The following ARHGAP39 variants were observed in gnomAD, a reference collection of about 807,000 sequenced individuals.
The protein encoded by ARHGAP39 is Rho GTPase activating protein 39.
ARHGAP39 carries 44 observed loss-of-function variants against 106.9 expected under a neutral mutation model. The ratio of observed to expected loss-of-function variants is 0.41; its 90% CI spans 0.32 to 0.53. ARHGAP39 has a LOEUF of 0.53. ARHGAP39 is among the 20% of genes least tolerant of loss of function. ARHGAP39 has a pLI of 0.21. For synonymous variants in ARHGAP39, 768 were observed against 693.2 expected (o/e 1.11, Z -1.69); for missense variants, 1,496 against 1,577.3 (o/e 0.95, Z 0.87).
At position 144,597,748 on chromosome 8, in the gene ARHGAP39, T is replaced by G. The variant is rs561736091; in HGVS notation, c.80+7787A>C. Among the ~76,000 whole-genome samples, 11 of 152,272 alleles carry G rather than the reference T, an allele frequency of 7.2e-5. No individual in the cohort carries two copies. In the South Asian group the frequency reaches 2.3e-3, roughly 32 times the overall value. ...GGAGCTCAGTTAGGAAAGGGCTTCC[T>G]GAGTAAGACAGGAAGAGAAAAGGCA... On this transcript the variant is annotated intron_variant, in intron 2 of 11. Coordinates refer to ENST00000377307, the MANE Select transcript of ARHGAP39 (RefSeq NM_025251.3).
chr8:144,619,583 A>G (rs757119943), intron 1 of ARHGAP39, among the ~76,000 whole-genome samples: 2 of 134,056 alleles, frequency 1.5e-5, no homozygotes, highest in African/African-American at 2.9e-5. Flanking sequence ...TGTGTGTGAG[A>G]CTGTGTGTCC....
intron 1 of ARHGAP39, among the ~76,000 whole-genome samples, chr8:144,637,819 C>G (rs1419368810): frequency 1.3e-5 from 2 of 151,586 alleles, no homozygotes; most frequent in Admixed American, 1.3e-4. Context: ...TCCTGAGTAG[C>G]TGGGACCATA....
intron 1 of ARHGAP39, among the ~76,000 whole-genome samples, chr8:144,648,320 G>A (rs1166869203): frequency 6.6e-6 from 1 of 152,220 alleles, no homozygotes; most frequent in Non-Finnish European, 1.5e-5. Flanking sequence ...ACAGAAACCA[G>A]GAGAGAGGAT....
intron 2 of ARHGAP39, among the ~76,000 whole-genome samples, chr8:144,589,280 CTATAAATTA>C (rs1819301513): frequency 6.6e-6 from 1 of 152,200 alleles, no homozygotes; most frequent in Admixed American, 6.5e-5. Flanking sequence ...ATTTTATACT[CTATAAATTA>C]TATAAGTAGC....
Position 144,602,811 on chromosome 8 carries a change from CGT to C in ARHGAP39, c.80+2722_80+2723del, listed in dbSNP as rs529912998. On this transcript the variant is annotated intron_variant, in intron 2 of 11. Coordinates refer to ENST00000377307, the MANE Select transcript of ARHGAP39 (RefSeq NM_025251.3). ...GCGTGTGTGTGCATGTGCATGGAGG[CGT>C]GTGTGCTCGTGTACCTGTGTGCATG... Among the ~76,000 whole-genome samples the C allele has an allele frequency of 2.0e-3, 166 of 81,946 alleles. 1 individual carries two copies. The highest frequency in any genetic ancestry group is 8.1e-3 in the African/African-American group (160 of 19,842). 53.8% of individuals were successfully genotyped at this position (81,946 alleles called of 152,430 possible).
intron 1 of ARHGAP39, among the ~76,000 whole-genome samples, chr8:144,617,410 T>C (rs542555239): frequency 1.4e-5 from 2 of 139,966 alleles, no homozygotes; most frequent in South Asian, 2.4e-4. Flanking sequence ...CCAGGAGACC[T>C]GAGCACCCAG....
At chr8:144,686,669 C>G, upstream of ARHGAP39, among the ~76,000 whole-genome samples, 1 of 152,210 alleles carries the variant, frequency 6.6e-6, no homozygotes, top group Admixed American at 6.5e-5. Flanking sequence ...GATCTCCCGT[C>G]GGGCTGTCTC....
At position 144,634,873 on chromosome 8, in the gene ARHGAP39, C is replaced by A. The variant is rs370414619; in HGVS notation, c.-81-29178G>T. The stretch of plus-strand genomic sequence containing the variant: ...CAGGCCTCTGCAGGCGCAGTCTCCA[C>A]TCGGCTCCCGGGAACTCCAGGCCCT... On this transcript the variant is annotated intron_variant, in intron 1 of 11. Transcript: ENST00000377307. 1.1e-4 allele frequency among the ~76,000 whole-genome samples: 17 copies of A among 152,224 alleles called. 1 individual carries two copies. In the East Asian group the frequency reaches 2.7e-3, roughly 24 times the overall value.
chr8:144,579,026 C>T (rs1304169505), intron 3 of ARHGAP39, among the ~76,000 whole-genome samples: 1 of 151,178 alleles, frequency 6.6e-6, no homozygotes, highest in East Asian at 1.9e-4. Context: ...CATGGTGAAA[C>T]CCTGTTTCTA....
chr8:144,639,839 G>A (rs888730893), intron 1 of ARHGAP39, among the ~76,000 whole-genome samples: 6 of 152,286 alleles, frequency 3.9e-5, no homozygotes, highest in South Asian at 4.1e-4. Flanking sequence ...TCAGGAAGCC[G>A]CATTTAAAAC....
At position 144,547,734 on chromosome 8, in the gene ARHGAP39, A is replaced by T. The variant is rs956120699; in HGVS notation, c.1352T>A (p.Met451Lys). The change falls in exon 5 of 12, where the codon ATG becomes AAG. Residue 451 changes from methionine to lysine, a missense_variant. Coordinates refer to ENST00000377307, the MANE Select transcript of ARHGAP39 (RefSeq NM_025251.3). The surrounding 1 kb of genome is among the most constrained non-coding windows in gnomAD (Gnocchi z 5.2). Reference protein sequence around the residue: ...LGVKSGDYSTMEGPELRHSQP... With the variant: ...LGVKSGDYSTKEGPELRHSQP... ...GCTGTGCCGCAGCTCAGGTCCCTCC[A>T]TGGTGCTGTAGTCTCCGGACTTGAC... 6.3e-7 allele frequency: 1 copy of T among 1,597,052 alleles called. No homozygotes were observed. The highest frequency in any genetic ancestry group is 8.5e-7 in the Non-Finnish European group (1 of 1,177,236).
rs199783823 is a variant in ARHGAP39 at position 144,548,399 on chromosome 8, G to A, written c.687C>T (p.Gly229=). ...GTGGGCCGTCTGGGGCGTAGCCATT[G>A]CCCTGGGCGGCGAGGAAGCTGGGCT... The part of the protein sequence containing the change: ...DREPSFLAAQ[G]NGYAPDGPPG... The change falls in exon 5 of 12, where the codon GGC becomes GGT. Residue 229 remains glycine (G), a synonymous_variant. Coordinates refer to ENST00000377307, the MANE Select transcript of ARHGAP39 (RefSeq NM_025251.3). The surrounding 1 kb of genome is among the most constrained non-coding windows in gnomAD (Gnocchi z 7.4). 22 of 1,610,596 alleles carry A rather than the reference G, an allele frequency of 1.4e-5. No individual in the cohort carries two copies. The highest frequency in any genetic ancestry group is 1.9e-5 in the Non-Finnish European group (22 of 1,179,428).
At chr8:144,654,144 G>A (rs1351686996) in intron 1 of ARHGAP39, among the ~76,000 whole-genome samples, 2 of 152,208 alleles carry the variant, frequency 1.3e-5, no homozygotes, top group Non-Finnish European at 2.9e-5. Context: ...ATATATAACT[G>A]GAACCCTTTA....
In ARHGAP39 at chr8:144,644,039, G is replaced by A. The variant is rs1410368642; in HGVS notation, c.-81-38344C>T. 5.3e-5 allele frequency among the ~76,000 whole-genome samples: 8 copies of A among 152,142 alleles called. No individual in the cohort carries two copies. The highest frequency in any genetic ancestry group is 1.9e-4 in the African/African-American group (8 of 41,436). On this transcript the variant is annotated intron_variant, in intron 1 of 11. Transcript: ENST00000377307. This position sits in a 1 kb window ranked among gnomAD's most constrained non-coding sequence, Gnocchi z 4.8. Reference sequence around the variant, plus strand: ...AAACAGTTTGGCAAAAATCTACCACGTGACCCAGCAATTCCACTCCCAGGA... The same window carrying A: ...AAACAGTTTGGCAAAAATCTACCACATGACCCAGCAATTCCACTCCCAGGA...
At chr8:144,580,748 CT>C in intron 3 of ARHGAP39, 97 bp downstream of exon 3, 1 of 1,061,066 alleles carries the variant, frequency 9.4e-7, no homozygotes, top group Non-Finnish European at 1.3e-6. Flanking sequence ...ACCAGTCCCG[CT>C]CTCACCTGGC....
At chr8:144,635,735 GC>G (rs1821157613) in intron 1 of ARHGAP39, among the ~76,000 whole-genome samples, 1 of 151,980 alleles carries the variant, frequency 6.6e-6, no homozygotes, top group Non-Finnish European at 1.5e-5. Flanking sequence ...TTAGAGGGGG[GC>G]TGAGGCTACC....
In ARHGAP39 at chr8:144,530,628, G is replaced by A. The variant is rs758816224; in HGVS notation, c.3151-12C>T. ...GGCTGCACGAAGACCTGGTGGAGGA[G>A]CGAGGGTGGGCGCGGAGGGGCGGGG... On this transcript the variant is annotated splice_polypyrimidine_tract_variant and intron_variant, in intron 11 of 11. Transcript: ENST00000377307. The A allele has an allele frequency of 1.9e-6, 3 of 1,574,542 alleles. No individual in the cohort carries two copies. Among genetic ancestry groups the A allele is most frequent in the Non-Finnish European group, 1.7e-6 (2 of 1,158,344 alleles).
At chr8:144,539,292 G>A (rs1332394767) in intron 6 of ARHGAP39, among the ~76,000 whole-genome samples, 1 of 152,124 alleles carries the variant, frequency 6.6e-6, no homozygotes, top group Non-Finnish European at 1.5e-5. Context: ...AGCTAAACAT[G>A]GCCTCTAACT....
chr8:144,603,621 C>T (rs1380900150), intron 2 of ARHGAP39, among the ~76,000 whole-genome samples: 12 of 147,354 alleles, frequency 8.1e-5, no homozygotes, highest in African/African-American at 3.1e-4. Flanking sequence ...ACCCGGGAGG[C>T]GGAGCTTGCA....
Sources: allele counts gnomAD v4.1 joint callset (sites outside exome capture counted in the v4.1 genomes callset), GRCh38; gene constraint gnomAD v4.1.1; non-coding constraint Gnocchi (gnomAD v3.1); transcripts MANE v1.5; gene names NCBI Gene and HGNC (gene_info 2026-07-23, HGNC 2026-07-21).